CNTNAP2: variants seen among roughly 807,000 people sequenced by gnomAD.
The protein encoded by CNTNAP2 is contactin associated protein 2, also known as contactin-associated protein-like 2.
CNTNAP2 carries 98 observed loss-of-function variants against 155.2 expected under a neutral mutation model. The ratio of observed to expected loss-of-function variants is 0.63; its 90% CI spans 0.54 to 0.75. CNTNAP2 has a LOEUF of 0.75. Ranked by LOEUF, CNTNAP2 falls within the 30% of genes least tolerant of loss-of-function variation. The pLI, the probability that CNTNAP2 is intolerant of heterozygous loss-of-function variation, is 0.00. For synonymous variants in CNTNAP2, 651 were observed against 631.2 expected, an observed-to-expected ratio of 1.03 and a Z score of -0.47; for missense variants, 1,727 against 1,688.1, an observed-to-expected ratio of 1.02 and a Z score of -0.40.
intron 3 of CNTNAP2, among the ~76,000 whole-genome samples, chr7:146,878,120 A>C (rs916442412): frequency 1.3e-5 from 2 of 152,140 alleles, no homozygotes; most frequent in Admixed American, 6.6e-5. Context: ...TGTATCTTGA[A>C]TACTGTTAAT....
chr7:146,710,848 T>C (rs1460064909), intron 1 of CNTNAP2, among the ~76,000 whole-genome samples: 1 of 152,062 alleles, frequency 6.6e-6, no homozygotes, highest in East Asian at 1.9e-4. Context: ...GATAAGGGGC[T>C]AGTACTCCTC....
At chr7:147,095,900 A>C (rs947454243) in intron 4 of CNTNAP2, among the ~76,000 whole-genome samples, 1 of 152,184 alleles carries the variant, frequency 6.6e-6, no homozygotes, top group Non-Finnish European at 1.5e-5. Context: ...CAGCAACAAC[A>C]AAACGACAGG....
At chr7:148,013,929 A>G (rs1802127621) in intron 15 of CNTNAP2, 1 of 152,330 alleles carries the variant, frequency 6.6e-6, no homozygotes, top group Admixed American at 6.5e-5. Flanking sequence ...GTTAGCTGAT[A>G]TAATTTGGTA....
In CNTNAP2 at chr7:146,238,892, C is replaced by T. The variant is rs534773109; in HGVS notation, c.97+121919C>T. Among the ~76,000 whole-genome samples the T allele has an allele frequency of 9.2e-5, 14 of 152,274 alleles. No homozygotes were observed. In the South Asian group the frequency reaches 1.7e-3, roughly 18 times the overall value. On this transcript the variant is annotated intron_variant, in intron 1 of 23. Transcript: ENST00000361727. Reference sequence around the variant, plus strand: ...AACCATCAGATCTTGTGAGAACTCACTCACTATCACAAGAACAGCATGGGG... The same window carrying T: ...AACCATCAGATCTTGTGAGAACTCATTCACTATCACAAGAACAGCATGGGG...
intron 1 of CNTNAP2, among the ~76,000 whole-genome samples, chr7:146,335,703 C>T (rs966105315): frequency 6.6e-6 from 1 of 152,124 alleles, no homozygotes; most frequent in Non-Finnish European, 1.5e-5. Flanking sequence ...TCTGTAGCTT[C>T]TTTGTGTCAT....
At chr7:148,352,523 C>T (rs188126699) in intron 21 of CNTNAP2, among the ~76,000 whole-genome samples, 20 of 152,260 alleles carry the variant, frequency 1.3e-4, no homozygotes, top group Non-Finnish European at 2.5e-4. Flanking sequence ...GAATGTGCCG[C>T]CAAATTGGAC....
chr7:146,134,538 G>A (rs1426555374), intron 1 of CNTNAP2, among the ~76,000 whole-genome samples: 2 of 151,204 alleles, frequency 1.3e-5, no homozygotes, highest in Non-Finnish European at 3.0e-5. Context: ...TATGATATTG[G>A]CTGTGGGTTT....
intron 13 of CNTNAP2, among the ~76,000 whole-genome samples, chr7:147,889,001 G>A (rs57921419): frequency 0.14 from 21,523 of 152,020 alleles, 1,637 homozygotes; most frequent in African/African-American, 0.2. Context: ...AAAAATAGAT[G>A]AAATACCTTA....
At chr7:146,310,901 A>G (rs2129090609) in intron 1 of CNTNAP2, among the ~76,000 whole-genome samples, 1 of 152,338 alleles carries the variant, frequency 6.6e-6, no homozygotes, top group South Asian at 2.1e-4. Context: ...GGCAATTCAG[A>G]CATTCACAAT....
intron 1 of CNTNAP2, among the ~76,000 whole-genome samples, chr7:146,662,154 T>A (rs1800101259): frequency 6.6e-6 from 1 of 152,034 alleles, no homozygotes. Context: ...TTTTTTTTTT[T>A]AGACGGAGTC....
At chr7:146,637,211 C>T (rs941980463) in intron 1 of CNTNAP2, among the ~76,000 whole-genome samples, 2 of 152,144 alleles carry the variant, frequency 1.3e-5, no homozygotes, top group Non-Finnish European at 2.9e-5. Flanking sequence ...TTCTCTGATA[C>T]ATTTATTGGG....
At chr7:146,950,259 C>A (rs980616425) in intron 3 of CNTNAP2, among the ~76,000 whole-genome samples, 1 of 152,040 alleles carries the variant, frequency 6.6e-6, no homozygotes, top group African/African-American at 2.4e-5. Flanking sequence ...AACCTTCTAT[C>A]CTTGGGAATC....
rs570287854 is a variant in CNTNAP2, at chr7:148,400,922, G to A, written c.3716-8469G>A. On this transcript the variant is annotated intron_variant, in intron 22 of 23. Coordinates refer to ENST00000361727, the MANE Select transcript of CNTNAP2 (RefSeq NM_014141.6). ...TTGAACCCAGGAAGCAGAGGTTGCA[G>A]TGAGCTGAGATTGTGCCACTACACT... 5.9e-5 allele frequency among the ~76,000 whole-genome samples: 9 copies of A among 151,960 alleles called. No homozygotes were observed. In the East Asian group the frequency reaches 1.5e-3, roughly 26 times the overall value.
chr7:147,848,561 G>T (rs940366891), intron 13 of CNTNAP2, among the ~76,000 whole-genome samples: 1 of 151,442 alleles, frequency 6.6e-6, no homozygotes, highest in Non-Finnish European at 1.5e-5. Flanking sequence ...CGTCTTCTGC[G>T]TCACTCACGC....
intron 11 of CNTNAP2, among the ~76,000 whole-genome samples, chr7:147,513,222 A>G (rs1429570894): frequency 2.6e-5 from 4 of 152,178 alleles, no homozygotes; most frequent in Admixed American, 2.6e-4. Context: ...GGAATAAAAG[A>G]CCAGATGTTT....
intron 1 of CNTNAP2, among the ~76,000 whole-genome samples, chr7:146,507,262 T>G (rs557780258): frequency 1.3e-5 from 2 of 152,298 alleles, no homozygotes; most frequent in East Asian, 3.9e-4. Context: ...TCACCTCCAT[T>G]CCAAAGTTGG....
chr7:146,277,812 C>A (rs541949373), intron 1 of CNTNAP2, among the ~76,000 whole-genome samples: 3 of 152,140 alleles, frequency 2.0e-5, no homozygotes, highest in Non-Finnish European at 4.4e-5. Flanking sequence ...CTAGAAATTT[C>A]ATGAAAAGCT....
At chr7:148,053,301 A>C (rs915270970) in intron 15 of CNTNAP2, among the ~76,000 whole-genome samples, 1 of 152,210 alleles carries the variant, frequency 6.6e-6, no homozygotes, top group African/African-American at 2.4e-5. Flanking sequence ...ATATTGTAAA[A>C]TACACATTAT....
At chr7:147,974,006 A>G (rs1012404299) in intron 14 of CNTNAP2, among the ~76,000 whole-genome samples, 1 of 152,210 alleles carries the variant, frequency 6.6e-6, no homozygotes, top group Non-Finnish European at 1.5e-5. Flanking sequence ...ATAAATTTCT[A>G]TCATCCCTGA....
Sources: allele counts gnomAD v4.1 joint callset (sites outside exome capture counted in the v4.1 genomes callset), GRCh38; gene constraint gnomAD v4.1.1; transcripts MANE v1.5; gene names NCBI Gene and HGNC (gene_info 2026-07-23, HGNC 2026-07-21).